ANAPC5: variants seen among roughly 807,000 people sequenced by gnomAD.
The protein encoded by ANAPC5 is anaphase promoting complex subunit 5.
In ANAPC5, 60 loss-of-function variants were observed where a neutral mutation model predicts 91.3. The observed-to-expected ratio is 0.66, with a 90% CI of 0.53 to 0.81. The LOEUF (loss-of-function observed/expected upper bound fraction) is 0.81, where lower values mean the gene tolerates loss of function less well. Ranked by LOEUF, ANAPC5 falls within the 40% of genes least tolerant of loss-of-function variation. The pLI, the probability that ANAPC5 is intolerant of heterozygous loss-of-function variation, is 0.00. For missense variants in ANAPC5, 690 were observed against 931.5 expected, an observed-to-expected ratio of 0.74 and a Z score of 3.37; for synonymous variants, 340 against 364.1, an observed-to-expected ratio of 0.93 and a Z score of 0.75.
At chr12:121,346,654 A>G in intron 3 of ANAPC5, 1 of 337,558 alleles carries the variant, frequency 3.0e-6, no homozygotes, top group Non-Finnish European at 5.3e-6. Context: ...AGAGCTGGGA[A>G]CCCCTAAAAA....
rs191042943 is a variant in ANAPC5, at chr12:121,320,391, G to C, written c.1509C>G (p.His503Gln). ...LKERFPPNSQHAQLWMLCDQK... is the reference protein window; with the variant it reads ...LKERFPPNSQQAQLWMLCDQK... ...CATGCAAAAGGCAGATTACCTGGGC[G>C]TGCTGACTATTAGGCGGAAATCGTT... Residue 503 changes from histidine to glutamine, a missense_variant, in exon 12 of 17, where the codon CAC (histidine) becomes CAG (glutamine). His to Gln is a conservative substitution (Grantham distance 24). Around this residue, in one of 5 missense-constraint regions of ANAPC5, gnomAD observed 317 missense variants for 438.7 expected, o/e 0.72. Coordinates refer to ENST00000261819, the MANE Select transcript of ANAPC5 (RefSeq NM_016237.5). 1.2e-6 allele frequency: 2 copies of C among 1,613,368 alleles called. No individual in the cohort carries two copies. Among genetic ancestry groups the C allele is most frequent in the Non-Finnish European group, 1.7e-6 (2 of 1,179,462 alleles).
At chr12:121,320,068 A>G (rs996336610) in intron 12 of ANAPC5, among the ~76,000 whole-genome samples, 1 of 152,198 alleles carries the variant, frequency 6.6e-6, no homozygotes, top group African/African-American at 2.4e-5. Context: ...TTCATATACT[A>G]TTAGATACCA....
intron 6 of ANAPC5, 54 bp downstream of exon 6, chr12:121,337,237 A>C (rs1555273579): frequency 9.1e-6 from 13 of 1,428,270 alleles, no homozygotes; most frequent in Non-Finnish European, 1.3e-5. Context: ...CAAACAAAAA[A>C]AGTTGCCTTG....
chr12:121,354,136 G>T (rs1284813626), upstream of ANAPC5, among the ~76,000 whole-genome samples: 1 of 151,430 alleles, frequency 6.6e-6, no homozygotes, highest in Non-Finnish European at 1.5e-5. Flanking sequence ...CTACAGGCAC[G>T]CACCACCACG....
intron 7 of ANAPC5, chr12:121,332,427 T>C (rs1193552197): frequency 6.6e-6 from 1 of 152,232 alleles, no homozygotes; most frequent in Non-Finnish European, 1.5e-5. Flanking sequence ...GACCTGTATA[T>C]GTATCTGGAG....
chr12:121,331,589 A>G (rs1458819882), intron 7 of ANAPC5, 161 bp from the exon 8 acceptor site: 1 of 482,330 alleles, frequency 2.1e-6, no homozygotes, highest in Non-Finnish European at 3.8e-6. Context: ...CCCCAACCCT[A>G]GCAGCAGAAA....
At chr12:121,337,231 CA>C (rs1903271755) in intron 6 of ANAPC5, 59 bp downstream of exon 6, 10 of 1,398,718 alleles carry the variant, frequency 7.1e-6, no homozygotes, top group African/African-American at 4.3e-5. Context: ...AACAAACAAA[CA>C]AAAAAAGTTG....
intron 7 of ANAPC5, chr12:121,331,866 G>C (rs1903054397): frequency 6.5e-6 from 1 of 154,776 alleles, no homozygotes; most frequent in South Asian, 2.0e-4. Flanking sequence ...TTTAGAGACA[G>C]GGTCTCCCTC....
In ANAPC5 at chr12:121,330,651, G is replaced by A; in HGVS notation, c.1054C>T (p.Gln352Ter). Reference sequence around the variant, plus strand: ...AGAACATAGCTATCGGATCTCTTCTGCCCCAGCACATAAAGCCAGCTCTGG... The same window carrying A: ...AGAACATAGCTATCGGATCTCTTCTACCCCAGCACATAAAGCCAGCTCTGG... ...HCLSWLYVLG[Q>*]KRSDSYVLLE... The change falls in exon 9 of 17, where the codon CAG becomes TAG. Residue 352 changes from glutamine (Q) to a stop codon, truncating the protein, a stop_gained. Coordinates refer to ENST00000261819, the MANE Select transcript of ANAPC5 (RefSeq NM_016237.5). LOFTEE classifies it high-confidence loss of function. 1 of 1,614,068 alleles carries A rather than the reference G, an allele frequency of 6.2e-7. No homozygotes were observed. The highest frequency in any genetic ancestry group is 1.1e-5 in the South Asian group (1 of 91,078).
chr12:121,337,170 G>T, intron 6 of ANAPC5, 121 bp downstream of exon 6: 2 of 712,018 alleles, frequency 2.8e-6, no homozygotes, highest in Non-Finnish European at 4.8e-6. Context: ...GTGAGCCAAG[G>T]TCGTGCCACT....
At chr12:121,310,229 G>T in intron 15 of ANAPC5, 1 of 144,744 alleles carries the variant, frequency 6.9e-6, no homozygotes, top group Non-Finnish European at 1.4e-5. Flanking sequence ...GATTCCGGTT[G>T]GTGTTAGTAT....
chr12:121,344,503 G>A (rs1555274447), intron 4 of ANAPC5, among the ~76,000 whole-genome samples: 1 of 151,152 alleles, frequency 6.6e-6, no homozygotes, highest in African/African-American at 2.4e-5. Context: ...AGAATCACTT[G>A]AACCCAGGAG....
In ANAPC5 at chr12:121,347,908, T is replaced by A. The variant is rs782278207; in HGVS notation, c.208-27A>T. On this transcript the variant is annotated intron_variant, in intron 1 of 16. Transcript: ENST00000261819. ...TGTGTAAAGGAGAGATAGGGAGGTATGGATTTTAAAGAGCTGGAGACTGAT... is the reference window on the plus strand; with the variant it reads ...TGTGTAAAGGAGAGATAGGGAGGTAAGGATTTTAAAGAGCTGGAGACTGAT... 5.9e-6 allele frequency: 9 copies of A among 1,515,522 alleles called. No individual in the cohort carries two copies. In the Admixed American group the frequency reaches 6.7e-5, roughly 11 times the overall value. 93.9% of individuals were successfully genotyped at this position (1,515,522 alleles called of 1,614,324 possible).
At chr12:121,337,814 G>A (rs948720743) in intron 5 of ANAPC5, among the ~76,000 whole-genome samples, 7 of 151,994 alleles carry the variant, frequency 4.6e-5, no homozygotes, top group African/African-American at 1.7e-4. Flanking sequence ...TCAAACTATA[G>A]TAAAATTGCC....
At chr12:121,339,188 T>C (rs1195671295) in intron 5 of ANAPC5, among the ~76,000 whole-genome samples, 1 of 151,596 alleles carries the variant, frequency 6.6e-6, no homozygotes, top group Non-Finnish European at 1.5e-5. Flanking sequence ...TAGCTGGGAT[T>C]ACAAGCATCC....
At chr12:121,330,699 T>C (rs781974176) in intron 8 of ANAPC5, 27 bp from the exon 9 acceptor site, 1 of 1,588,108 alleles carries the variant, frequency 6.3e-7, no homozygotes, top group South Asian at 1.1e-5. Flanking sequence ...TCAAAATATA[T>C]CATAACAGTG....
chr12:121,313,537 T>C (rs1474991544), intron 15 of ANAPC5, among the ~76,000 whole-genome samples: 1 of 151,860 alleles, frequency 6.6e-6, no homozygotes, highest in African/African-American at 2.4e-5. Flanking sequence ...GAGACAAGAC[T>C]CAAATAACCG....
chr12:121,321,385 TC>T, intron 11 of ANAPC5, among the ~76,000 whole-genome samples: 1 of 143,400 alleles, frequency 7.0e-6, no homozygotes, highest in African/African-American at 2.6e-5. Context: ...AGGGTCTTGC[TC>T]TGTTTCCCAG....
chr12:121,347,353 G>A (rs949792099), intron 2 of ANAPC5: 7 of 269,574 alleles, frequency 2.6e-5, no homozygotes, highest in Non-Finnish European at 4.9e-5. Context: ...TTTTCAGCCA[G>A]GTGCGGTTGC....
Sources: gnomAD v4.1 joint callset for allele counts (sites outside exome capture counted in the v4.1 genomes callset) on GRCh38, gnomAD v4.1.1 for gene constraint, gnomAD v4.1.1 regional missense constraint, MANE v1.5 for transcripts, NCBI Gene and HGNC (gene_info 2026-07-23, HGNC 2026-07-21) for gene names.